Variants in ZAP70 observed in about 807,000 individuals in gnomAD.
ZAP70 encodes zeta chain of T cell receptor associated protein kinase 70.
ZAP70 carries 27 observed loss-of-function variants against 65.8 expected under a neutral mutation model. The ratio of observed to expected loss-of-function variants is 0.41; its 90% CI spans 0.30 to 0.57. The LOEUF (loss-of-function observed/expected upper bound fraction) is 0.57, where lower values mean the gene tolerates loss of function less well. ZAP70 is among the 20% of genes least tolerant of loss of function. The probability of loss-of-function intolerance (pLI) is 0.28; values close to 1 mark genes in which losing one functional copy is unlikely to be tolerated. For synonymous variants in ZAP70, 363 were observed against 360.8 expected (o/e 1.01, Z -0.07); for missense variants, 696 against 870.5 (o/e 0.80, Z 2.52).
chr2:97,738,131 C>T, intron 13 of ZAP70, 24 bp downstream of exon 13: 1 of 1,571,490 alleles, frequency 6.4e-7, no homozygotes, highest in African/African-American at 1.3e-5. Flanking sequence ...GGGAGGGGAC[C>T]CGGCTGGGCT....
At chr2:97,751,941 CACCTTCCACACTGGGG>C in the ZAP70 span, among the ~76,000 whole-genome samples, 4 of 152,222 alleles carry the variant, frequency 2.6e-5, no homozygotes, top group Non-Finnish European at 5.9e-5. Context: ...CACCAAGCCC[CACCTTCCACACTGGGG>C]ATCATATTTC....
At chr2:97,755,978 T>C in the ZAP70 span, among the ~76,000 whole-genome samples, 1 of 152,214 alleles carries the variant, frequency 6.6e-6, no homozygotes, top group East Asian at 1.9e-4. Flanking sequence ...GTTCCTCAAG[T>C]ATAATGGAGT....
rs1432841895 is a variant in ZAP70 at position 97,736,581 on chromosome 2, GGGAAGATAGT to G, written c.1290-890_1290-881del. Among the ~76,000 whole-genome samples the G allele has an allele frequency of 3.3e-5, 5 of 152,228 alleles. No individual in the cohort carries two copies. Among genetic ancestry groups the G allele is most frequent in the Non-Finnish European group, 5.9e-5 (4 of 68,040 alleles). The stretch of plus-strand genomic sequence containing the variant: ...AATCCTGATGAAATCTAGAGCATGT[GGGAAGATAGT>G]GTGGTGGGCACAAGCCTGCCGCAGC... On this transcript the variant is annotated intron_variant, in intron 10 of 13. Coordinates refer to ENST00000264972, the MANE Select transcript of ZAP70 (RefSeq NM_001079.4). The surrounding 1 kb of genome is among the most constrained non-coding windows in gnomAD (Gnocchi z 4.0).
At chr2:97,739,105 C>T (rs1402115533) in intron 13 of ZAP70, among the ~76,000 whole-genome samples, 2 of 152,180 alleles carry the variant, frequency 1.3e-5, no homozygotes, top group African/African-American at 4.8e-5. Context: ...CACTCAGTCC[C>T]CTGAGTCCTC....
the ZAP70 span, among the ~76,000 whole-genome samples, chr2:97,748,490 C>T: frequency 3.9e-5 from 6 of 152,176 alleles, no homozygotes; most frequent in African/African-American, 4.8e-5. Flanking sequence ...TCTGCTTCCC[C>T]GCCTGCCATG....
At chr2:97,721,338 T>C (rs1403575538) in intron 2 of ZAP70, among the ~76,000 whole-genome samples, 1 of 152,180 alleles carries the variant, frequency 6.6e-6, no homozygotes, top group African/African-American at 2.4e-5. Flanking sequence ...GTGGCAAAAA[T>C]ATGAATCACT....
chr2:97,753,990 A>AAAAT, the ZAP70 span, among the ~76,000 whole-genome samples: 1 of 152,198 alleles, frequency 6.6e-6, no homozygotes, highest in Admixed American at 6.5e-5. Context: ...ACCCAGTCTC[A>AAAAT]AAATAAATAA....
intron 4 of ZAP70, chr2:97,732,633 C>T: frequency 1.7e-6 from 1 of 594,320 alleles, no homozygotes; most frequent in Non-Finnish European, 3.0e-6. Context: ...GAATGGCCAT[C>T]TGTTGGCTCT....
chr2:97,735,215 C>G, intron 9 of ZAP70, 35 bp from the exon 10 acceptor site: 1 of 1,612,544 alleles, frequency 6.2e-7, no homozygotes, highest in Non-Finnish European at 8.5e-7. Context: ...GCCGGTGCCC[C>G]TCGCCCACGT....
chr2:97,725,284 G>A (rs1406949416), intron 4 of ZAP70, 32 bp downstream of exon 4: 3 of 1,606,296 alleles, frequency 1.9e-6, no homozygotes, highest in African/African-American at 2.7e-5. Flanking sequence ...GGTGCGGTGA[G>A]GATTGGGGCT....
intron 4 of ZAP70, among the ~76,000 whole-genome samples, chr2:97,726,794 C>T (rs1168686032): frequency 2.0e-5 from 3 of 152,244 alleles, no homozygotes; most frequent in South Asian, 2.1e-4. Context: ...CAGTTGCCGG[C>T]ACAACTTCTG....
At chr2:97,751,450 C>T in the ZAP70 span, among the ~76,000 whole-genome samples, 469 of 152,166 alleles carry the variant, frequency 3.1e-3, 3 homozygotes, top group African/African-American at 0.011. Flanking sequence ...GGTGGTTGAT[C>T]GTATAATGCT....
the ZAP70 span, among the ~76,000 whole-genome samples, chr2:97,748,587 T>A: frequency 4.6e-5 from 7 of 152,284 alleles, no homozygotes; most frequent in South Asian, 1.5e-3. Context: ...GACTGACCCC[T>A]GGTGGCCTCT....
At chr2:97,724,936 G>T in intron 3 of ZAP70, 156 bp from the exon 4 acceptor site, 1 of 1,534,158 alleles carries the variant, frequency 6.5e-7, no homozygotes, top group Non-Finnish European at 8.7e-7. Flanking sequence ...AGGGGACCAC[G>T]GAGATGGCGC....
intron 4 of ZAP70, among the ~76,000 whole-genome samples, chr2:97,725,906 G>C (rs1677370345): frequency 6.6e-6 from 1 of 152,148 alleles, no homozygotes; most frequent in African/African-American, 2.4e-5. Context: ...CAGAAACATT[G>C]TGGAGGCCAT....
In ZAP70 at chr2:97,736,625, G is replaced by T. The variant is rs1368640594; in HGVS notation, c.1290-848G>T. Among the ~76,000 whole-genome samples the T allele has an allele frequency of 1.3e-5, 2 of 152,216 alleles. No homozygotes were observed. Among genetic ancestry groups the T allele is most frequent in the African/African-American group, 2.4e-5 (1 of 41,450 alleles). On this transcript the variant is annotated intron_variant, in intron 10 of 13. Transcript: ENST00000264972. This position sits in a 1 kb window ranked among gnomAD's most constrained non-coding sequence, Gnocchi z 4.0. ...CACAAGCCTGCCGCAGCTCCAGGGG[G>T]TTGGGAGTGTTGGGGTGCGAGGTGC...
chr2:97,748,390 G>C, the ZAP70 span, among the ~76,000 whole-genome samples: 2 of 152,196 alleles, frequency 1.3e-5, no homozygotes, highest in African/African-American at 4.8e-5. Flanking sequence ...TTTTTAAGAA[G>C]TCATGGCTCT....
the ZAP70 span, among the ~76,000 whole-genome samples, chr2:97,753,914 G>A: frequency 6.6e-6 from 1 of 152,214 alleles, no homozygotes; most frequent in African/African-American, 2.4e-5. Flanking sequence ...GCTTGGGCCT[G>A]GAAGTTCAGG....
rs137875593 is a variant in ZAP70 at position 97,729,193 on chromosome 2, G to A, written c.564-3690G>A. Among the ~76,000 whole-genome samples the A allele has an allele frequency of 4.6e-5, 7 of 152,326 alleles. No homozygotes were observed. In the East Asian group the frequency reaches 7.7e-4, roughly 17 times the overall value. Reference sequence around the variant, plus strand: ...GAGATCATGGTTGGTCCTGAACCTCGTCCTTAGAACCCTTTTCAGGTCAAG... The same window carrying A: ...GAGATCATGGTTGGTCCTGAACCTCATCCTTAGAACCCTTTTCAGGTCAAG... On this transcript the variant is annotated intron_variant, in intron 4 of 13. Coordinates refer to ENST00000264972, the MANE Select transcript of ZAP70 (RefSeq NM_001079.4).
Sources: gnomAD v4.1 joint callset for allele counts (sites outside exome capture counted in the v4.1 genomes callset) on GRCh38, gnomAD v4.1.1 for gene constraint, Gnocchi (gnomAD v3.1) non-coding constraint, MANE v1.5 for transcripts, NCBI Gene and HGNC (gene_info 2026-07-23, HGNC 2026-07-21) for gene names.